TENM3: variants seen among roughly 807,000 people sequenced by gnomAD.
TENM3 encodes teneurin transmembrane protein 3.
TENM3 carries 63 observed loss-of-function variants against 255.1 expected under a neutral mutation model. The ratio of observed to expected loss-of-function variants is 0.25; its 90% confidence interval spans 0.20 to 0.30. The LOEUF (loss-of-function observed/expected upper bound fraction) is 0.30. Among genes scored for constraint, TENM3 ranks in the 10% least tolerant of loss-of-function variants. The pLI, the probability that TENM3 is intolerant of heterozygous loss-of-function variation, is 1.00. For missense variants in TENM3, 2,929 were observed against 3,461.1 expected (o/e 0.85, Z 3.86); for synonymous variants, 1,306 against 1,322.3 (o/e 0.99, Z 0.27).
chr4:182,042,537 C>T, the TENM3 span, among the ~76,000 whole-genome samples: 318 of 152,220 alleles, frequency 2.1e-3, 1 homozygote, highest in Middle Eastern at 0.01. Context: ...TTTGCTTTCT[C>T]CTAGTCGATG....
At chr4:181,937,043 T>A in the TENM3 span, among the ~76,000 whole-genome samples, 1 of 152,082 alleles carries the variant, frequency 6.6e-6, no homozygotes, top group East Asian at 1.9e-4. Flanking sequence ...AGAATAGAAA[T>A]TTTTGAAGAG....
At chr4:181,485,867 A>G in the TENM3 span, among the ~76,000 whole-genome samples, 1 of 152,170 alleles carries the variant, frequency 6.6e-6, no homozygotes, top group Non-Finnish European at 1.5e-5. Context: ...TTTCAAATGA[A>G]CCAATCCTTA....
chr4:181,890,578 C>T, the TENM3 span, among the ~76,000 whole-genome samples: 10 of 152,036 alleles, frequency 6.6e-5, no homozygotes, highest in African/African-American at 2.2e-4. Flanking sequence ...AAAATTTTTG[C>T]ACTTAAGATT....
At chr4:182,560,244 A>G (rs1230730088) in intron 3 of TENM3, among the ~76,000 whole-genome samples, 2 of 152,090 alleles carry the variant, frequency 1.3e-5, no homozygotes, top group African/African-American at 4.8e-5. Context: ...ACATAAATAC[A>G]CTTTTATTTA....
chr4:181,713,881 C>A, the TENM3 span, among the ~76,000 whole-genome samples: 1 of 152,082 alleles, frequency 6.6e-6, no homozygotes, highest in Non-Finnish European at 1.5e-5. Context: ...GTACCCTTAG[C>A]CAAGCCAGCG....
chr4:182,398,554 A>C (rs1769008054), intron 3 of TENM3, among the ~76,000 whole-genome samples: 1 of 152,168 alleles, frequency 6.6e-6, no homozygotes, highest in Non-Finnish European at 1.5e-5. Context: ...TGTCTTTCTA[A>C]CTTAGTATGC....
chr4:182,774,868 GTATT>G (rs759413596), intron 23 of TENM3, 46 bp from the exon 24 acceptor site: 1 of 1,367,300 alleles, frequency 7.3e-7, no homozygotes, highest in Non-Finnish European at 1.0e-6. Flanking sequence ...AACCGGCCAA[GTATT>G]TAATCCATAT....
intron 3 of TENM3, among the ~76,000 whole-genome samples, chr4:182,426,634 A>C (rs1263961502): frequency 6.6e-6 from 1 of 152,212 alleles, no homozygotes; most frequent in Non-Finnish European, 1.5e-5. Flanking sequence ...CAGAATATTT[A>C]AACTGTATCA....
At chr4:182,623,862 C>T (rs1750544444) in intron 4 of TENM3, among the ~76,000 whole-genome samples, 1 of 152,238 alleles carries the variant, frequency 6.6e-6, no homozygotes, top group African/African-American at 2.4e-5. Flanking sequence ...CAGTGGCACA[C>T]TCTGCCATCT....
intron 5 of TENM3, among the ~76,000 whole-genome samples, chr4:182,635,968 T>C (rs189769064): frequency 6.6e-6 from 1 of 152,306 alleles, no homozygotes; most frequent in Admixed American, 6.5e-5. Context: ...TTTAACTATA[T>C]ATGGCAAAAT....
intron 3 of TENM3, among the ~76,000 whole-genome samples, chr4:182,443,615 C>A (rs549845409): frequency 6.6e-6 from 1 of 152,122 alleles, no homozygotes; most frequent in Admixed American, 6.6e-5. Flanking sequence ...CCTACCTCAC[C>A]CCCTTCCCTC....
chr4:181,777,700 C>T, the TENM3 span, among the ~76,000 whole-genome samples: 2,530 of 152,216 alleles, frequency 0.017, 54 homozygotes, highest in African/African-American at 0.057. Flanking sequence ...ATGTATTCAA[C>T]TTCTTAAAAA....
At chr4:181,500,662 C>A in the TENM3 span, among the ~76,000 whole-genome samples, 96,253 of 151,988 alleles carry the variant, frequency 0.63, 31,191 homozygotes, top group Middle Eastern at 0.77. Flanking sequence ...GTATAATCCA[C>A]TTTGCGCTCA....
intron 3 of TENM3, among the ~76,000 whole-genome samples, chr4:182,529,889 T>C (rs991693703): frequency 5.9e-5 from 9 of 152,220 alleles, no homozygotes; most frequent in African/African-American, 2.2e-4. Flanking sequence ...ATGATTTAAA[T>C]TGGGCTCTAG....
At chr4:181,919,262 C>A in the TENM3 span, among the ~76,000 whole-genome samples, 1 of 151,998 alleles carries the variant, frequency 6.6e-6, no homozygotes, top group African/African-American at 2.4e-5. Context: ...AACCCAGAGA[C>A]TGATGTCTGA....
the TENM3 span, among the ~76,000 whole-genome samples, chr4:182,128,238 T>G: frequency 6.6e-6 from 1 of 152,196 alleles, no homozygotes; most frequent in Non-Finnish European, 1.5e-5. Context: ...TTATCCTTTT[T>G]TTTTCTATGT....
the TENM3 span, among the ~76,000 whole-genome samples, chr4:181,879,465 A>G: frequency 6.6e-6 from 1 of 152,148 alleles, no homozygotes; most frequent in East Asian, 1.9e-4. Context: ...CAGTCTACTA[A>G]ACACTAGGTA....
At chr4:181,904,450 AC>A in the TENM3 span, among the ~76,000 whole-genome samples, 1 of 152,230 alleles carries the variant, frequency 6.6e-6, no homozygotes, top group Admixed American at 6.5e-5. Context: ...CATCACATGT[AC>A]CCGATAATTA....
chr4:182,448,971 G>C, intron 3 of TENM3: 1 of 395,900 alleles, frequency 2.5e-6, no homozygotes, highest in South Asian at 1.7e-5. Flanking sequence ...TGGCCGCCGC[G>C]CGCAGCCCGA....
Sources: allele counts gnomAD v4.1 joint callset (sites outside exome capture counted in the v4.1 genomes callset), GRCh38; gene constraint gnomAD v4.1.1; transcripts MANE v1.5; gene names NCBI Gene and HGNC (gene_info 2026-07-23, HGNC 2026-07-21).